The following OPCML variants were observed in gnomAD, a reference collection of about 807,000 sequenced individuals.
OPCML encodes the protein opioid-binding protein/cell adhesion molecule.
Under a neutral mutation model 37.8 loss-of-function variants are expected in OPCML, and 13 were observed. The observed-to-expected ratio is 0.34, with a 90% CI of 0.22 to 0.55. The LOEUF is 0.55. Ranked by LOEUF, OPCML falls within the 20% of genes least tolerant of loss-of-function variation. The pLI is 0.91. For synonymous variants in OPCML, 176 were observed against 168.8 expected (o/e 1.04, Z -0.33); for missense variants, 341 against 435.6 (o/e 0.78, Z 1.93).
At chr11:132,610,726 A>T (rs933841717) in intron 3 of OPCML, among the ~76,000 whole-genome samples, 2 of 152,304 alleles carry the variant, frequency 1.3e-5, no homozygotes, top group East Asian at 3.9e-4. Context: ...CATTTTACAA[A>T]TGTTTAATTA....
chr11:133,381,561 G>A (rs766318125), intron 1 of OPCML, among the ~76,000 whole-genome samples: 19 of 152,132 alleles, frequency 1.2e-4, no homozygotes, highest in Non-Finnish European at 1.9e-4. Flanking sequence ...CTGACATCAC[G>A]GAAAGACACA....
chr11:133,222,374 G>A (rs1275434214), intron 1 of OPCML, among the ~76,000 whole-genome samples: 1 of 152,196 alleles, frequency 6.6e-6, no homozygotes, highest in Non-Finnish European at 1.5e-5. Flanking sequence ...AGGTTATGGG[G>A]GAAAGTCAGG....
At chr11:133,129,042 T>C (rs1429204677) in intron 1 of OPCML, among the ~76,000 whole-genome samples, 1 of 152,162 alleles carries the variant, frequency 6.6e-6, no homozygotes, top group Non-Finnish European at 1.5e-5. Flanking sequence ...AAACCCACAG[T>C]TGTGACAACT....
At chr11:132,784,753 A>G (rs1470088943) in intron 2 of OPCML, among the ~76,000 whole-genome samples, 1 of 152,114 alleles carries the variant, frequency 6.6e-6, no homozygotes, top group Non-Finnish European at 1.5e-5. Context: ...ATCTGTTGAA[A>G]AGAGCCTGGC....
chr11:132,824,827 C>T (rs984397220), intron 2 of OPCML, among the ~76,000 whole-genome samples: 4 of 152,234 alleles, frequency 2.6e-5, no homozygotes, highest in Non-Finnish European at 4.4e-5. Flanking sequence ...CCATCTCACA[C>T]CACTTCCTCC....
intron 1 of OPCML, among the ~76,000 whole-genome samples, chr11:133,202,045 C>CA (rs11409699): frequency 0.71 from 107,559 of 152,028 alleles, 40,086 homozygotes; most frequent in African/African-American, 0.92. Flanking sequence ...AATGAACACA[C>CA]ATAAAAAATA....
chr11:133,023,465 T>C (rs1178176381), intron 1 of OPCML, among the ~76,000 whole-genome samples: 1 of 152,134 alleles, frequency 6.6e-6, no homozygotes, highest in East Asian at 1.9e-4. Context: ...AAAGGGAAAA[T>C]GTACTCACCC....
intron 2 of OPCML, among the ~76,000 whole-genome samples, chr11:132,754,289 C>T (rs570134700): frequency 1.2e-4 from 19 of 152,108 alleles, no homozygotes; most frequent in South Asian, 1.2e-3. Flanking sequence ...TGGAGGGACC[C>T]GATGGGAGTT....
chr11:132,835,979 T>C (rs1328133955), intron 2 of OPCML, among the ~76,000 whole-genome samples: 2 of 152,132 alleles, frequency 1.3e-5, no homozygotes, highest in Non-Finnish European at 2.9e-5. Flanking sequence ...TATCCTTTGG[T>C]TTGGAAATGG....
chr11:132,520,069 C>G (rs644475), intron 4 of OPCML, among the ~76,000 whole-genome samples: 59,708 of 151,974 alleles, frequency 0.39, 14,281 homozygotes, highest in Non-Finnish European at 0.54. Context: ...TTTGTTAGAA[C>G]AATACTGAGT....
At chr11:133,235,097 G>T (rs1013135618) in intron 1 of OPCML, among the ~76,000 whole-genome samples, 1 of 151,938 alleles carries the variant, frequency 6.6e-6, no homozygotes, top group Non-Finnish European at 1.5e-5. Context: ...TGCTTCAGGG[G>T]CTCCGCGGCT....
chr11:132,841,988 C>G (rs963113494), intron 2 of OPCML, among the ~76,000 whole-genome samples: 5 of 149,542 alleles, frequency 3.3e-5, no homozygotes, highest in Non-Finnish European at 3.0e-5. Context: ...AAAGAGAACA[C>G]TTAAAATTGT....
At chr11:133,409,809 A>C (rs1945605742) in intron 1 of OPCML, among the ~76,000 whole-genome samples, 1 of 152,160 alleles carries the variant, frequency 6.6e-6, no homozygotes, top group South Asian at 2.1e-4. Flanking sequence ...CAGGTAAAGA[A>C]ATGAAGAACA....
chr11:132,459,536 C>T (rs936235540), intron 4 of OPCML, among the ~76,000 whole-genome samples: 2 of 146,536 alleles, frequency 1.4e-5, no homozygotes, highest in African/African-American at 5.0e-5. Context: ...CACACATATA[C>T]ATATATATAT....
intron 1 of OPCML, among the ~76,000 whole-genome samples, chr11:133,160,757 C>T (rs186009867): frequency 3.6e-4 from 55 of 152,334 alleles, no homozygotes; most frequent in Middle Eastern, 3.4e-3. Context: ...GCCTGGGGAG[C>T]ATGGACTGGA....
intron 3 of OPCML, among the ~76,000 whole-genome samples, chr11:132,653,381 G>A (rs559815235): frequency 1.1e-3 from 165 of 152,234 alleles, no homozygotes; most frequent in African/African-American, 3.7e-3. Flanking sequence ...TCCTGCCTGC[G>A]CTTGTGCCTC....
chr11:132,584,624 T>G (rs767678241), intron 3 of OPCML, among the ~76,000 whole-genome samples: 18 of 152,194 alleles, frequency 1.2e-4, no homozygotes, highest in Admixed American at 3.3e-4. Flanking sequence ...CTGTGTGAAA[T>G]GTGGTTACAG....
chr11:132,648,806 C>T (rs968677520), intron 3 of OPCML, among the ~76,000 whole-genome samples: 3 of 152,098 alleles, frequency 2.0e-5, no homozygotes, highest in Admixed American at 6.5e-5. Context: ...TTGCCAGGGT[C>T]CACCCGTGAT....
At chr11:133,088,696 G>A (rs143231956) in intron 1 of OPCML, among the ~76,000 whole-genome samples, 1 of 152,138 alleles carries the variant, frequency 6.6e-6, no homozygotes, top group African/African-American at 2.4e-5. Flanking sequence ...CTTTAAATGA[G>A]AGTGGAACAA....
Sources: allele counts gnomAD v4.1 joint callset (sites outside exome capture counted in the v4.1 genomes callset), GRCh38; gene constraint gnomAD v4.1.1; transcripts MANE v1.5; gene names NCBI Gene and HGNC (gene_info 2026-07-23, HGNC 2026-07-21).